The following SYN3 variants were observed in gnomAD, a reference collection of about 807,000 sequenced individuals.
SYN3 encodes synapsin III.
A neutral mutation model predicts 65.8 loss-of-function variants in SYN3; 35 were observed. That is an observed-to-expected ratio of 0.53 (90% CI 0.41 to 0.70). The LOEUF (loss-of-function observed/expected upper bound fraction) is 0.70. Among genes scored for constraint, SYN3 ranks in the 30% least tolerant of loss-of-function variants. SYN3 has a pLI of 0.00. For missense variants in SYN3, 680 were observed against 749.0 expected, an observed-to-expected ratio of 0.91 and a Z score of 1.08; for synonymous variants, 270 against 292.9, an observed-to-expected ratio of 0.92 and a Z score of 0.80.
Position 32,864,928 on chromosome 22 carries a change from T to C in SYN3, c.698A>G (p.Asn233Ser). ...FPLVEQTFFPNHKPMVTAPHF... is the reference protein window; with the variant it reads ...FPLVEQTFFPSHKPMVTAPHF... ...AAGGGCACTCACCATTGGCTTATGG[T>C]TGGGGAAAAATGTTTGCTCCACAAG... The change falls in exon 6 of 14, where the codon AAC (asparagine) becomes AGC (serine). Residue 233 changes from asparagine (N) to serine (S), a missense_variant. Asn to Ser is a conservative substitution (Grantham distance 46). Coordinates refer to ENST00000358763, the MANE Select transcript of SYN3 (RefSeq NM_003490.4). The C allele has an allele frequency of 6.2e-7, 1 of 1,614,010 alleles. No homozygotes were observed. The highest frequency in any genetic ancestry group is 8.5e-7 in the Non-Finnish European group (1 of 1,179,914).
chr22:32,859,493 C>T, intron 6 of SYN3: 1 of 1,305,192 alleles, frequency 7.7e-7, no homozygotes, highest in Non-Finnish European at 1.0e-6. Context: ...AAATTTAGCA[C>T]TTGGAACATT....
chr22:32,967,680 T>G (rs2051888033), intron 3 of SYN3, among the ~76,000 whole-genome samples: 1 of 152,198 alleles, frequency 6.6e-6, no homozygotes, highest in Non-Finnish European at 1.5e-5. Flanking sequence ...TTCATTCCAG[T>G]TTTCTGGGAT....
At chr22:32,864,563 C>T (rs2048636091) in intron 6 of SYN3, 1 of 172,742 alleles carries the variant, frequency 5.8e-6, no homozygotes, top group Non-Finnish European at 1.2e-5. Flanking sequence ...TCAGGTTCCA[C>T]AAAAGGCTCA....
At chr22:32,997,186 C>T (rs773671098) in intron 2 of SYN3, among the ~76,000 whole-genome samples, 121 of 152,264 alleles carry the variant, frequency 7.9e-4, no homozygotes, top group Non-Finnish European at 1.5e-3. Context: ...TCAGTCTTCC[C>T]TATGTATACA....
intron 6 of SYN3, among the ~76,000 whole-genome samples, chr22:32,858,630 C>A (rs1356662419): frequency 2.0e-5 from 3 of 152,194 alleles, no homozygotes; most frequent in Non-Finnish European, 2.9e-5. Context: ...AAGGTGCAGC[C>A]TGCCTGCTGT....
intron 6 of SYN3, among the ~76,000 whole-genome samples, chr22:32,711,742 C>T (rs1382776423): frequency 6.6e-6 from 1 of 152,192 alleles, no homozygotes. Flanking sequence ...TCACCCTTGC[C>T]AACCAATCTG....
At chr22:32,905,586 T>C (rs1017522291) in intron 4 of SYN3, among the ~76,000 whole-genome samples, 4 of 152,242 alleles carry the variant, frequency 2.6e-5, no homozygotes, top group African/African-American at 9.6e-5. Flanking sequence ...CACAGGCGCA[T>C]TGCCAGGAGG....
intron 9 of SYN3, among the ~76,000 whole-genome samples, chr22:32,535,752 G>A (rs577269407): frequency 2.7e-5 from 4 of 150,942 alleles, no homozygotes; most frequent in East Asian, 2.0e-4. Flanking sequence ...GGCTGCAGGC[G>A]TACAGCAGCG....
At chr22:32,910,579 A>T (rs2050024939) in intron 4 of SYN3, among the ~76,000 whole-genome samples, 1 of 152,182 alleles carries the variant, frequency 6.6e-6, no homozygotes, top group Non-Finnish European at 1.5e-5. Context: ...GACAGCTCTG[A>T]TTCAGACCCC....
At chr22:32,887,035 T>A (rs2049313172) in intron 4 of SYN3, among the ~76,000 whole-genome samples, 1 of 152,268 alleles carries the variant, frequency 6.6e-6, no homozygotes, top group African/African-American at 2.4e-5. Flanking sequence ...TGCTCCCAGA[T>A]GTATTCTTGT....
chr22:32,517,379 C>G (rs913641101), intron 13 of SYN3, among the ~76,000 whole-genome samples: 3 of 152,210 alleles, frequency 2.0e-5, no homozygotes, highest in Non-Finnish European at 4.4e-5. Flanking sequence ...CAGCTGACAG[C>G]TAGCACCAAC....
At chr22:32,899,557 C>CTATA (rs1178611949) in intron 4 of SYN3, among the ~76,000 whole-genome samples, 1 of 152,162 alleles carries the variant, frequency 6.6e-6, no homozygotes, top group Non-Finnish European at 1.5e-5. Flanking sequence ...CCAGTGGCCT[C>CTATA]TATATGGCTT....
At chr22:32,906,235 C>T (rs2049899088) in intron 4 of SYN3, among the ~76,000 whole-genome samples, 1 of 152,132 alleles carries the variant, frequency 6.6e-6, no homozygotes, top group Non-Finnish European at 1.5e-5. Flanking sequence ...GGACCCTCTG[C>T]AACACAGCTC....
chr22:33,005,986 C>T (rs1487111346), intron 2 of SYN3, among the ~76,000 whole-genome samples: 1 of 152,194 alleles, frequency 6.6e-6, no homozygotes, highest in Non-Finnish European at 1.5e-5. Context: ...CAGATGCTTG[C>T]AGCAAATCAT....
chr22:32,954,519 A>C (rs2051388042), intron 3 of SYN3, among the ~76,000 whole-genome samples: 1 of 152,266 alleles, frequency 6.6e-6, no homozygotes, highest in African/African-American at 2.4e-5. Context: ...GCTGGGCTCC[A>C]CATGCTTAGA....
In SYN3 at chr22:32,871,248, G is replaced by A. The variant is rs5754317; in HGVS notation, c.462-2123C>T. Among the ~76,000 whole-genome samples, 1,207 of 152,332 alleles carry A rather than the reference G, an allele frequency of 7.9e-3. 9 individuals are homozygous for A. The highest frequency in any genetic ancestry group is 0.029 in the East Asian group (150 of 5,182). ...CCAAACCTGGCTATCTAAAAAAAGA[G>A]GATGCCCTTCCAAGACCACCTTCCA... On this transcript the variant is annotated intron_variant, in intron 4 of 13. Transcript: ENST00000358763.
intron 6 of SYN3, among the ~76,000 whole-genome samples, chr22:32,763,941 C>G (rs1313417598): frequency 1.3e-5 from 2 of 149,226 alleles, no homozygotes; most frequent in South Asian, 2.3e-4. Flanking sequence ...AAGCCCCCCC[C>G]CCCTTTTTTT....
chr22:32,697,155 T>C (rs2060747835), intron 6 of SYN3, among the ~76,000 whole-genome samples: 1 of 152,202 alleles, frequency 6.6e-6, no homozygotes, highest in Non-Finnish European at 1.5e-5. Flanking sequence ...CCTCTCCTGC[T>C]TTAAATGCCC....
At chr22:32,754,689 G>A (rs758073171) in intron 6 of SYN3, among the ~76,000 whole-genome samples, 3 of 152,168 alleles carry the variant, frequency 2.0e-5, no homozygotes, top group South Asian at 2.1e-4. Context: ...GTCCTCAGAC[G>A]TTCCCTGAGC....
Sources: gnomAD v4.1 joint callset for allele counts (sites outside exome capture counted in the v4.1 genomes callset) on GRCh38, gnomAD v4.1.1 for gene constraint, MANE v1.5 for transcripts, NCBI Gene and HGNC (gene_info 2026-07-23, HGNC 2026-07-21) for gene names.